BBS9: variants seen among roughly 807,000 people sequenced by gnomAD.
BBS9 encodes protein PTHB1.
A neutral mutation model predicts 117.7 loss-of-function variants in BBS9; 89 were observed. That is an observed-to-expected ratio of 0.76 (90% CI 0.64 to 0.90). The LOEUF (loss-of-function observed/expected upper bound fraction) is 0.90. Ranked by LOEUF, BBS9 falls within the 40% of genes least tolerant of loss-of-function variation. The pLI, the probability that BBS9 is intolerant of heterozygous loss-of-function variation, is 0.00. For synonymous variants in BBS9, 379 were observed against 370.9 expected, an observed-to-expected ratio of 1.02 and a Z score of -0.25; for missense variants, 982 against 1,042.2, an observed-to-expected ratio of 0.94 and a Z score of 0.80.
intron 19 of BBS9, among the ~76,000 whole-genome samples, chr7:33,467,916 G>A (rs913950891): frequency 2.0e-5 from 3 of 152,038 alleles, no homozygotes; most frequent in Non-Finnish European, 2.9e-5. Context: ...ATCTAAATAT[G>A]GAGTTAATTC....
intron 11 of BBS9, among the ~76,000 whole-genome samples, chr7:33,341,906 TA>T (rs1185619211): frequency 6.6e-6 from 1 of 152,008 alleles, no homozygotes; most frequent in Non-Finnish European, 1.5e-5. Flanking sequence ...TTTATCTGTG[TA>T]GAAACAGATG....
At chr7:33,451,285 T>C (rs529702743) in intron 19 of BBS9, among the ~76,000 whole-genome samples, 7 of 152,328 alleles carry the variant, frequency 4.6e-5, no homozygotes, top group Admixed American at 3.3e-4. Context: ...TGCAGTGTTA[T>C]AAAGCTTTTC....
rs368906276 is a variant in BBS9, at chr7:33,517,878, C to T, written c.2298+12233C>T. On this transcript the variant is annotated intron_variant, in intron 20 of 22. Coordinates refer to ENST00000242067, the MANE Select transcript of BBS9 (RefSeq NM_198428.3). Reference sequence around the variant, plus strand: ...GATCATACTGAATTTTTACTCTTCTCCAATCTATTTAACAAGGATAAATGT... The same window carrying T: ...GATCATACTGAATTTTTACTCTTCTTCAATCTATTTAACAAGGATAAATGT... Among the ~76,000 whole-genome samples the T allele has an allele frequency of 1.8e-3, 281 of 152,262 alleles. 1 individual carries two copies. Among genetic ancestry groups the T allele is most frequent in the African/African-American group, 6.3e-3 (263 of 41,560 alleles).
chr7:33,499,851 A>G (rs923252197), intron 19 of BBS9, among the ~76,000 whole-genome samples: 1 of 152,248 alleles, frequency 6.6e-6, no homozygotes, highest in Non-Finnish European at 1.5e-5. Context: ...GATACCCTTC[A>G]ATAAATGTTG....
chr7:33,324,951 G>A (rs1332045347), intron 9 of BBS9, among the ~76,000 whole-genome samples: 1 of 152,086 alleles, frequency 6.6e-6, no homozygotes, highest in Non-Finnish European at 1.5e-5. Context: ...TGATCTTGCA[G>A]TAGTCTTATT....
chr7:33,152,741 C>A lies in BBS9; in HGVS notation c.153C>A (p.Ile51=). Residue 51 remains isoleucine, a synonymous_variant, in exon 3 of 23, where the codon ATC becomes ATA. Transcript: ENST00000242067. ...GTAGCTTTATGGGATACCTAAGGATCTTTAGCCCCCATCCTGCAAAAACAG... is the reference window on the plus strand; with the variant it reads ...GTAGCTTTATGGGATACCTAAGGATATTTAGCCCCCATCCTGCAAAAACAG... ...IVGSFMGYLR[I]FSPHPAKTGD... The A allele has an allele frequency of 6.2e-7, 1 of 1,613,420 alleles. No individual in the cohort carries two copies. Among genetic ancestry groups the A allele is most frequent in the Non-Finnish European group, 8.5e-7 (1 of 1,179,804 alleles).
intron 4 of BBS9, among the ~76,000 whole-genome samples, chr7:33,173,680 G>A (rs1280616932): frequency 6.6e-6 from 1 of 151,990 alleles, no homozygotes; most frequent in East Asian, 1.9e-4. Flanking sequence ...CATCTTTGGT[G>A]CAGTGTTGTT....
At chr7:33,564,314 A>G (rs1020517) in intron 21 of BBS9, among the ~76,000 whole-genome samples, 41,717 of 152,112 alleles carry the variant, frequency 0.27, 6,857 homozygotes, top group East Asian at 0.49. Flanking sequence ...TACAACACAA[A>G]CAACAAATAA....
At chr7:33,441,906 T>TC (rs370888458) in intron 19 of BBS9, among the ~76,000 whole-genome samples, 1 of 147,788 alleles carries the variant, frequency 6.8e-6, no homozygotes, top group African/African-American at 2.5e-5. Context: ...TTTTTTTTTT[T>TC]CCCGAGACAG....
chr7:33,363,218 T>G (rs1384987701), intron 16 of BBS9, among the ~76,000 whole-genome samples: 1 of 152,200 alleles, frequency 6.6e-6, no homozygotes, highest in Non-Finnish European at 1.5e-5. Context: ...TTCTCCTGTC[T>G]CAGCCTCCCA....
In BBS9 at chr7:33,558,196, G is replaced by A. The variant is rs1855571640; in HGVS notation, c.2521+24020G>A. Among the ~76,000 whole-genome samples, 2 of 152,108 alleles carry A rather than the reference G, an allele frequency of 1.3e-5. 1 individual carries two copies. The highest frequency in any genetic ancestry group is 4.1e-4 in the South Asian group (2 of 4,824). ...TGGGGAACAAAATAGACAAAGTCTC[G>A]TAAAGTATCCATCCTAGTGGGAAGG... is the stretch of plus-strand genomic sequence containing the variant. On this transcript the variant is annotated intron_variant, in intron 21 of 22. Transcript: ENST00000242067.
rs140836077 is a variant in BBS9, at chr7:33,197,677, T to G, written c.442+20086T>G. Among the ~76,000 whole-genome samples the G allele has an allele frequency of 1.5e-3, 222 of 152,066 alleles. 3 individuals carry two copies. Among genetic ancestry groups the G allele is most frequent in the African/African-American group, 5.3e-3 (220 of 41,546 alleles). Reference sequence around the variant, plus strand: ...TTTAAGGAGGTTTTTTTGATGGACTTTTGAGTAGTTTTCAGTTTTTGGCCA... The same window carrying G: ...TTTAAGGAGGTTTTTTTGATGGACTGTTGAGTAGTTTTCAGTTTTTGGCCA... On this transcript the variant is annotated intron_variant, in intron 5 of 22. Transcript: ENST00000242067.
chr7:33,465,665 A>G (rs1319916894), intron 19 of BBS9, among the ~76,000 whole-genome samples: 2 of 151,966 alleles, frequency 1.3e-5, no homozygotes, highest in East Asian at 3.9e-4. Flanking sequence ...CCTATATCTC[A>G]GTTTTCTCAT....
At chr7:33,145,412 A>C (rs962170066) in intron 1 of BBS9, among the ~76,000 whole-genome samples, 1 of 152,298 alleles carries the variant, frequency 6.6e-6, no homozygotes, top group Admixed American at 6.5e-5. Flanking sequence ...ATAAGAAATC[A>C]AAGTAAGGAG....
At chr7:33,142,200 T>C (rs908051704) in intron 1 of BBS9, among the ~76,000 whole-genome samples, 7 of 152,268 alleles carry the variant, frequency 4.6e-5, no homozygotes, top group Admixed American at 3.3e-4. Context: ...GGATTACAGG[T>C]GTGAGCCACC....
At chr7:33,536,261 C>T (rs539566148) in intron 21 of BBS9, among the ~76,000 whole-genome samples, 29 of 151,966 alleles carry the variant, frequency 1.9e-4, no homozygotes, top group Admixed American at 6.5e-4. Context: ...CTTTACTTGC[C>T]GACGACCCGC....
chr7:33,401,980 G>T (rs1174609052), intron 19 of BBS9, among the ~76,000 whole-genome samples: 3 of 152,130 alleles, frequency 2.0e-5, no homozygotes, highest in Non-Finnish European at 4.4e-5. Context: ...ATGTTATATA[G>T]AGTTAAATAA....
At chr7:33,284,669 GT>G (rs767358587) in intron 9 of BBS9, among the ~76,000 whole-genome samples, 99 of 151,958 alleles carry the variant, frequency 6.5e-4, no homozygotes, top group Non-Finnish European at 1.3e-3. Context: ...ATATCTTTTG[GT>G]TGGCTACTTA....
At chr7:33,416,067 C>T (rs1468448877) in intron 19 of BBS9, among the ~76,000 whole-genome samples, 3 of 152,082 alleles carry the variant, frequency 2.0e-5, no homozygotes, top group Non-Finnish European at 4.4e-5. Context: ...TTCCTGGGCT[C>T]AAGCAATCTG....
Sources: allele counts gnomAD v4.1 joint callset (sites outside exome capture counted in the v4.1 genomes callset), GRCh38; gene constraint gnomAD v4.1.1; transcripts MANE v1.5; gene names NCBI Gene and HGNC (gene_info 2026-07-23, HGNC 2026-07-21).